ANKRD30BL: variants seen among roughly 807,000 people sequenced by gnomAD.
The protein encoded by ANKRD30BL is putative ankyrin repeat domain-containing protein 30B-like.
ANKRD30BL carries 20 observed loss-of-function variants against 18.4 expected under a neutral mutation model. The observed-to-expected ratio is 1.09, with a 90% CI of 0.77 to 1.58. The LOEUF (loss-of-function observed/expected upper bound fraction) is 1.58, where lower values mean the gene tolerates loss of function less well. ANKRD30BL is among the 40% of genes most tolerant of loss of function. The pLI is 0.00. For synonymous variants in ANKRD30BL, 72 were observed against 100.9 expected (o/e 0.71, Z 1.72); for missense variants, 224 against 268.6 (o/e 0.83, Z 1.16).
chr2:132,178,600 A>T (rs1688403421), intron 1 of ANKRD30BL, among the ~76,000 whole-genome samples: 1 of 148,080 alleles, frequency 6.8e-6, no homozygotes, highest in Admixed American at 6.8e-5. Context: ...TTATAATTTT[A>T]CTTTCTAGAC....
chr2:132,252,811 T>G (rs1023769801), intron 1 of ANKRD30BL, among the ~76,000 whole-genome samples: 31 of 151,492 alleles, frequency 2.0e-4, no homozygotes, highest in Middle Eastern at 3.4e-3. Flanking sequence ...CCCCACACCA[T>G]GAGCTGCATG....
At chr2:132,235,146 G>A (rs1156338102) in intron 1 of ANKRD30BL, among the ~76,000 whole-genome samples, 1 of 152,102 alleles carries the variant, frequency 6.6e-6, no homozygotes, top group Non-Finnish European at 1.5e-5. Flanking sequence ...AACACTTCAT[G>A]CTAAAATCTC....
At chr2:132,243,249 C>A (rs1680387582) in intron 1 of ANKRD30BL, among the ~76,000 whole-genome samples, 1 of 151,656 alleles carries the variant, frequency 6.6e-6, no homozygotes. Context: ...CAGAAAAATT[C>A]TTAGAAATTT....
chr2:132,150,882 C>A, intron 5 of ANKRD30BL, 30 bp downstream of exon 5: 1 of 593,784 alleles, frequency 1.7e-6, no homozygotes, highest in Non-Finnish European at 3.0e-6. Context: ...GGTAGCACCA[C>A]CAAGAGTAGT....
intron 4 of ANKRD30BL, chr2:132,152,693 T>C (rs1178031871): frequency 2.0e-5 from 3 of 152,122 alleles, no homozygotes; most frequent in Non-Finnish European, 4.4e-5. Flanking sequence ...AAAGACAAAA[T>C]GGATCTCTAA....
intron 1 of ANKRD30BL, among the ~76,000 whole-genome samples, chr2:132,253,883 C>G (rs1298713181): frequency 6.6e-6 from 1 of 152,090 alleles, no homozygotes; most frequent in Non-Finnish European, 1.5e-5. Context: ...CGGGCCGGGC[C>G]GGGCCAGTGG....
intron 1 of ANKRD30BL, chr2:132,253,235 T>C (rs1215021481): frequency 1.2e-5 from 2 of 170,382 alleles, no homozygotes; most frequent in Non-Finnish European, 1.3e-5. Flanking sequence ...TGTCTTGCAG[T>C]TCACATTAAT....
At chr2:132,243,272 T>G (rs1383285687) in intron 1 of ANKRD30BL, among the ~76,000 whole-genome samples, 4 of 151,842 alleles carry the variant, frequency 2.6e-5, no homozygotes, top group Non-Finnish European at 5.9e-5. Flanking sequence ...TTGTGATGTG[T>G]GTACTCAACT....
chr2:132,240,211 C>A (rs78473737), intron 1 of ANKRD30BL, among the ~76,000 whole-genome samples: 1 of 151,662 alleles, frequency 6.6e-6, no homozygotes, highest in African/African-American at 2.4e-5. Context: ...GTACTCAAAT[C>A]ACAGAGTTAC....
chr2:132,212,252 G>A (rs1679376241), intron 1 of ANKRD30BL, among the ~76,000 whole-genome samples: 2 of 151,266 alleles, frequency 1.3e-5, no homozygotes, highest in Admixed American at 1.3e-4. Flanking sequence ...GGGTCTGCAA[G>A]TGGACATTTG....
intron 1 of ANKRD30BL, among the ~76,000 whole-genome samples, chr2:132,211,227 A>T (rs1679339457): frequency 6.6e-6 from 1 of 152,048 alleles, no homozygotes; most frequent in Non-Finnish European, 1.5e-5. Context: ...AAATACCTTC[A>T]CATAAAAACT....
chr2:132,182,577 T>A (rs1446314767), intron 1 of ANKRD30BL, among the ~76,000 whole-genome samples: 1 of 152,108 alleles, frequency 6.6e-6, no homozygotes, highest in Non-Finnish European at 1.5e-5. Context: ...CTCAGCTTAA[T>A]AATGAGTTAT....
At chr2:132,197,503 G>A (rs551807029) in intron 1 of ANKRD30BL, among the ~76,000 whole-genome samples, 1 of 151,218 alleles carries the variant, frequency 6.6e-6, no homozygotes, top group African/African-American at 2.4e-5. Flanking sequence ...CTTCCATTAG[G>A]TATGTTTTTT....
chr2:132,157,101 A>C lies in ANKRD30BL; in HGVS notation c.379T>G (p.Ser127Ala), dbSNP rs755734966. 108 of 1,443,946 alleles carry C rather than the reference A, an allele frequency of 7.5e-5. No homozygotes were observed. Among genetic ancestry groups the C allele is most frequent in the Non-Finnish European group, 9.6e-5 (101 of 1,052,826 alleles). 89.4% of individuals were successfully genotyped at this position (1,443,946 alleles called of 1,614,324 possible). ...REACANILID[S>A]GADPNIVDVY... ...TCTACAATATTTGGATCAGCACCAG[A>C]ATCTATGAGAATATTTGCACAAGCC... is the stretch of plus-strand genomic sequence containing the variant. The change falls in exon 3 of 6, where the codon TCT (serine) becomes GCT (alanine). Residue 127 changes from serine (S) to alanine (A), a missense_variant. By Grantham distance (99) the Ser-to-Ala change is moderately conservative. Around this residue, in one of 3 missense-constraint regions of ANKRD30BL, gnomAD observed 30 missense variants for 77.5 expected, o/e 0.39. Transcript: ENST00000409867.
At chr2:132,252,815 C>T (rs1380117368) in intron 1 of ANKRD30BL, among the ~76,000 whole-genome samples, 1 of 152,136 alleles carries the variant, frequency 6.6e-6, no homozygotes, top group Admixed American at 6.5e-5. Flanking sequence ...ACACCATGAG[C>T]TGCATGAGGC....
chr2:132,162,504 T>G (rs1322428432), upstream of ANKRD30BL, among the ~76,000 whole-genome samples: 2 of 151,910 alleles, frequency 1.3e-5, no homozygotes, highest in African/African-American at 2.4e-5. Context: ...CCTGTACAGC[T>G]GCGGCGATGA....
chr2:132,177,555 G>A (rs189096424), intron 1 of ANKRD30BL, among the ~76,000 whole-genome samples: 2 of 152,292 alleles, frequency 1.3e-5, no homozygotes, highest in African/African-American at 4.8e-5. Flanking sequence ...ATAATTCAGA[G>A]CAAGCTTTGA....
intron 1 of ANKRD30BL, among the ~76,000 whole-genome samples, chr2:132,198,291 T>TG (rs1679010079): frequency 6.6e-5 from 1 of 15,124 alleles, no homozygotes; most frequent in African/African-American, 1.2e-4. Flanking sequence ...TTTCTTTCTT[T>TG]CTTTCTTTCT....
chr2:132,173,056 T>TTTC, intron 1 of ANKRD30BL, among the ~76,000 whole-genome samples: 1 of 152,150 alleles, frequency 6.6e-6, no homozygotes, highest in Admixed American at 6.5e-5. Context: ...AACTAATTTT[T>TTTC]TTATTTTTTC....
Sources: gnomAD v4.1 joint callset for allele counts (sites outside exome capture counted in the v4.1 genomes callset) on GRCh38, gnomAD v4.1.1 for gene constraint, gnomAD v4.1.1 regional missense constraint, MANE v1.5 for transcripts, NCBI Gene and HGNC (gene_info 2026-07-23, HGNC 2026-07-21) for gene names.